ZNF680: variants seen among roughly 807,000 people sequenced by gnomAD.
ZNF680 encodes zinc finger protein 680.
In ZNF680, 6 loss-of-function variants were observed where a neutral mutation model predicts 12.1. The observed-to-expected ratio is 0.49, with a 90% CI of 0.27 to 0.98. The LOEUF (loss-of-function observed/expected upper bound fraction) is 0.98. Ranked by LOEUF, ZNF680 falls within the 50% of genes least tolerant of loss-of-function variation. The pLI, the probability that ZNF680 is intolerant of heterozygous loss-of-function variation, is 0.12. For synonymous variants in ZNF680, 170 were observed against 199.3 expected (o/e 0.85, Z 1.24); for missense variants, 561 against 616.3 (o/e 0.91, Z 0.95).
At position 64,521,455 on chromosome 7, in the gene ZNF680, G is replaced by A; in HGVS notation, c.1299C>T (p.Thr433=). 1 of 1,613,402 alleles carries A rather than the reference G, an allele frequency of 6.2e-7. No homozygotes were observed. Among genetic ancestry groups the A allele is most frequent in the Non-Finnish European group, 8.5e-7 (1 of 1,179,670 alleles). ...CTTTGCCACATTCTTCACATTTGTA[G>A]GTATTCTCTCTAGTGTGAATTCTCT... is the stretch of plus-strand genomic sequence containing the variant. The part of the protein sequence containing the change: ...RHKRIHTREN[T]YKCEECGKGF... Residue 433 remains threonine (T), a synonymous_variant, in exon 4 of 4, where the codon ACC becomes ACT. Transcript: ENST00000309683.
chr7:64,512,457 CAAAAAAAA>C, the ZNF680 span, among the ~76,000 whole-genome samples: 17 of 87,238 alleles, frequency 1.9e-4, no homozygotes, highest in African/African-American at 7.0e-4. Flanking sequence ...CCGTCTCCAG[CAAAAAAAA>C]AAAAAAAAAA....
chr7:64,537,161 C>T (rs552409094), intron 3 of ZNF680, among the ~76,000 whole-genome samples: 22 of 152,126 alleles, frequency 1.4e-4, no homozygotes, highest in African/African-American at 5.1e-4. Context: ...TAAAAGCAAA[C>T]GTAAAATTGG....
intron 1 of ZNF680, among the ~76,000 whole-genome samples, chr7:64,553,956 C>T (rs1172158390): frequency 6.6e-6 from 1 of 152,186 alleles, no homozygotes; most frequent in Non-Finnish European, 1.5e-5. Flanking sequence ...TCCCAGCCGC[C>T]TGCCTTGGCC....
chr7:64,556,426 C>T (rs895144922), intron 1 of ZNF680, among the ~76,000 whole-genome samples: 11 of 152,026 alleles, frequency 7.2e-5, no homozygotes, highest in African/African-American at 2.7e-4. Flanking sequence ...GATACTGGTA[C>T]AAACACAGAC....
chr7:64,500,903 G>A, the ZNF680 span: 2 of 597,374 alleles, frequency 3.3e-6, no homozygotes, highest in Non-Finnish European at 6.5e-6. Flanking sequence ...CAACACTCTT[G>A]TGGTCAAGAA....
chr7:64,554,354 G>A (rs1042486393), intron 1 of ZNF680, among the ~76,000 whole-genome samples: 3 of 151,990 alleles, frequency 2.0e-5, no homozygotes, highest in Admixed American at 6.5e-5. Flanking sequence ...CCTGGCAGCC[G>A]CCCCGTCCGG....
Position 64,522,195 on chromosome 7 carries a change from A to C in ZNF680, c.559T>G (p.Cys187Gly). 1 of 1,612,702 alleles carries C rather than the reference A, an allele frequency of 6.2e-7. No homozygotes were observed. Among genetic ancestry groups the C allele is most frequent in the Non-Finnish European group, 8.5e-7 (1 of 1,179,172 alleles). ...GAAAGCATGCAAAATGATTTGCCACATTCTTTACATTTGAAAACCTTCTTT... is the reference window on the plus strand; with the variant it reads ...GAAAGCATGCAAAATGATTTGCCACCTTCTTTACATTTGAAAACCTTCTTT... ...TGKKVFKCKE[C>G]GKSFCMLSHL... The change falls in exon 4 of 4, where the codon TGT becomes GGT. Residue 187 changes from cysteine (C) to glycine (G), a missense_variant. Transcript: ENST00000309683.
At chr7:64,554,229 C>T (rs925641499) in intron 1 of ZNF680, among the ~76,000 whole-genome samples, 143 of 151,566 alleles carry the variant, frequency 9.4e-4, no homozygotes, top group African/African-American at 2.8e-3. Context: ...CGCCTCTGCC[C>T]GGCCGCGACC....
chr7:64,508,868 T>C, the ZNF680 span, among the ~76,000 whole-genome samples: 2 of 152,218 alleles, frequency 1.3e-5, no homozygotes, highest in African/African-American at 4.8e-5. Flanking sequence ...TGGGTAGAGT[T>C]AGTCAGTGTC....
intron 1 of ZNF680, among the ~76,000 whole-genome samples, chr7:64,549,035 G>T (rs570663514): frequency 6.6e-5 from 10 of 151,668 alleles, no homozygotes; most frequent in South Asian, 6.2e-4. Context: ...CAGGAGAATC[G>T]CTTGAACCCG....
intron 1 of ZNF680, among the ~76,000 whole-genome samples, chr7:64,544,692 T>C (rs762572714): frequency 6.6e-6 from 1 of 152,170 alleles, no homozygotes; most frequent in Non-Finnish European, 1.5e-5. Flanking sequence ...AGAAAAACTA[T>C]AACAGGACAT....
chr7:64,559,543 T>C (rs1376370032), intron 1 of ZNF680, among the ~76,000 whole-genome samples: 1 of 151,948 alleles, frequency 6.6e-6, no homozygotes, highest in Non-Finnish European at 1.5e-5. Flanking sequence ...TGCAGTGGTG[T>C]GATCTCAGCT....
chr7:64,501,118 T>C, the ZNF680 span: 1 of 979,748 alleles, frequency 1.0e-6, no homozygotes, highest in South Asian at 1.4e-5. Context: ...AGGTGTGAAA[T>C]GATCTGCAGC....
chr7:64,546,273 C>T (rs543982841), intron 1 of ZNF680, among the ~76,000 whole-genome samples: 1 of 152,232 alleles, frequency 6.6e-6, no homozygotes, highest in South Asian at 2.1e-4. Context: ...ATTCTCTGGA[C>T]AAATTACACT....
intron 1 of ZNF680, among the ~76,000 whole-genome samples, chr7:64,550,758 T>C (rs1035584351): frequency 1.3e-5 from 2 of 152,164 alleles, no homozygotes; most frequent in Admixed American, 1.3e-4. Context: ...AGAGAAACAA[T>C]TCTGCCTGCG....
chr7:64,508,142 T>TATATATAC, the ZNF680 span, among the ~76,000 whole-genome samples: 40 of 112,090 alleles, frequency 3.6e-4, no homozygotes, highest in Admixed American at 1.4e-3. Flanking sequence ...TATATATATA[T>TATATATAC]ACATAATTTT....
chr7:64,551,060 C>T (rs118042796), intron 1 of ZNF680, among the ~76,000 whole-genome samples: 1 of 152,294 alleles, frequency 6.6e-6, no homozygotes, highest in East Asian at 1.9e-4. Flanking sequence ...AAGATGGTCA[C>T]CATAATTAGC....
the ZNF680 span, among the ~76,000 whole-genome samples, chr7:64,499,995 C>T: frequency 8.3e-3 from 1,261 of 152,270 alleles, 10 homozygotes; most frequent in Non-Finnish European, 0.014. Context: ...ATAAGCACAA[C>T]GAAGAGACAC....
At chr7:64,506,961 A>T in the ZNF680 span, among the ~76,000 whole-genome samples, 1 of 152,240 alleles carries the variant, frequency 6.6e-6, no homozygotes, top group Non-Finnish European at 1.5e-5. Context: ...AGGTAATTTT[A>T]ATAAGATAAT....
Sources: allele counts gnomAD v4.1 joint callset (sites outside exome capture counted in the v4.1 genomes callset), GRCh38; gene constraint gnomAD v4.1.1; transcripts MANE v1.5; gene names NCBI Gene and HGNC (gene_info 2026-07-23, HGNC 2026-07-21).